GNE: variants seen among roughly 807,000 people sequenced by gnomAD.
GNE encodes bifunctional UDP-N-acetylglucosamine 2-epimerase/N-acetylmannosamine kinase.
Under a neutral mutation model 61.8 loss-of-function variants are expected in GNE, and 41 were observed. The ratio of observed to expected loss-of-function variants is 0.66; its 90% CI spans 0.52 to 0.86. GNE has a LOEUF of 0.86. GNE is among the 40% of genes least tolerant of loss of function. The pLI is 0.00. For synonymous variants in GNE, 264 were observed against 326.4 expected (o/e 0.81, Z 2.06); for missense variants, 608 against 909.1 (o/e 0.67, Z 4.26).
chr9:36,225,877 C>T (rs1828843298), intron 7 of GNE, among the ~76,000 whole-genome samples: 1 of 152,096 alleles, frequency 6.6e-6, no homozygotes, highest in African/African-American at 2.4e-5. Flanking sequence ...TAACGAAGAG[C>T]GATGCCTGGC....
intron 1 of GNE, among the ~76,000 whole-genome samples, chr9:36,268,347 A>G (rs527319284): frequency 3.9e-5 from 6 of 152,198 alleles, no homozygotes; most frequent in African/African-American, 1.4e-4. Context: ...GATCAACACA[A>G]TTATGCTCTA....
At chr9:36,247,419 C>T (rs892703199) in intron 2 of GNE, among the ~76,000 whole-genome samples, 2 of 152,176 alleles carry the variant, frequency 1.3e-5, no homozygotes, top group South Asian at 4.1e-4. Context: ...TCCCAGTCAT[C>T]CAATTCTTCT....
At chr9:36,221,021 C>CCT (rs1306821471) in intron 9 of GNE, among the ~76,000 whole-genome samples, 3 of 152,192 alleles carry the variant, frequency 2.0e-5, no homozygotes, top group Admixed American at 2.0e-4. Context: ...TGAGCATGAG[C>CCT]TAAAGTACAT....
At chr9:36,242,191 G>A (rs1437943032) in intron 3 of GNE, among the ~76,000 whole-genome samples, 1 of 151,128 alleles carries the variant, frequency 6.6e-6, no homozygotes, top group African/African-American at 2.4e-5. Context: ...TGCATATCAA[G>A]AAGCAGGAAC....
chr9:36,239,582 C>T (rs1044734832), intron 3 of GNE, among the ~76,000 whole-genome samples: 1 of 152,066 alleles, frequency 6.6e-6, no homozygotes, highest in African/African-American at 2.4e-5. Context: ...AAGCGATTCT[C>T]CTGCCTCGGC....
intron 1 of GNE, among the ~76,000 whole-genome samples, chr9:36,265,992 C>G (rs1830767936): frequency 6.6e-6 from 1 of 152,048 alleles, no homozygotes; most frequent in Non-Finnish European, 1.5e-5. Context: ...TGCAGTGGCG[C>G]AATCTTGGCT....
At chr9:36,249,992 T>A (rs1354345838) in intron 1 of GNE, among the ~76,000 whole-genome samples, 3 of 152,046 alleles carry the variant, frequency 2.0e-5, no homozygotes, top group African/African-American at 7.2e-5. Flanking sequence ...GTGATATAAA[T>A]CAGCTCTTGT....
At chr9:36,220,332 G>T (rs1428175460) in intron 9 of GNE, among the ~76,000 whole-genome samples, 2 of 152,148 alleles carry the variant, frequency 1.3e-5, no homozygotes, top group East Asian at 3.9e-4. Flanking sequence ...AGCACACACT[G>T]TCCATCTTTC....
At position 36,254,411 on chromosome 9, in the gene GNE, G is replaced by A. The variant is rs182066852; in HGVS notation, c.-43+3910C>T. Reference sequence around the variant, plus strand: ...GCTGAGTGTGGTTGTGCACACCTGCGGTCCTAGCTATTTGGGAGGCTGAGG... The same window carrying A: ...GCTGAGTGTGGTTGTGCACACCTGCAGTCCTAGCTATTTGGGAGGCTGAGG... On this transcript the variant is annotated intron_variant, in intron 1 of 11. Transcript: ENST00000642385. 2.2e-3 allele frequency among the ~76,000 whole-genome samples: 333 copies of A among 150,994 alleles called. 3 individuals are homozygous for A. The highest frequency in any genetic ancestry group is 6.7e-3 in the African/African-American group (276 of 41,128).
At position 36,216,121 on chromosome 9, in the gene GNE, TG is replaced by T; in HGVS notation, c.*1243del. 2.9e-6 allele frequency: 1 copy of T among 342,528 alleles called. No homozygotes were observed. The highest frequency in any genetic ancestry group is 6.0e-6 in the Non-Finnish European group (1 of 166,358). 21.2% of individuals were successfully genotyped at this position (342,528 alleles called of 1,614,324 possible). On this transcript the variant is annotated 3_prime_UTR_variant, in exon 12 of 12. Transcript: ENST00000642385. ...CCAGGATTAGGGGGGATATCTGAGATGGGGGAGTGATAGATATGTCCAGTGT... is the reference window on the plus strand; with the variant it reads ...CCAGGATTAGGGGGGATATCTGAGATGGGGAGTGATAGATATGTCCAGTGT...
exon 1 of GNE, chr9:36,276,937 G>A (rs1232208771): frequency 1.9e-6 from 3 of 1,612,790 alleles, no homozygotes; most frequent in Non-Finnish European, 2.5e-6. Context: ...ATAACCATAG[G>A]TTTCCATCCC....
chr9:36,227,068 T>C (rs1828900317), intron 7 of GNE, among the ~76,000 whole-genome samples, 180 bp downstream of exon 7: 1 of 152,176 alleles, frequency 6.6e-6, no homozygotes, highest in African/African-American at 2.4e-5. Context: ...TTCTTTGAAA[T>C]GTTAATGATC....
At chr9:36,260,868 C>CAAAAAAAAAAAAAAAAAAAAAA (rs745821430), upstream of GNE, among the ~76,000 whole-genome samples, 1 of 96,020 alleles carries the variant, frequency 1.0e-5, no homozygotes, top group Non-Finnish European at 2.0e-5. Flanking sequence ...GACTCTATCT[C>CAAAAAAAAAAAAAAAAAAAAAA]AAAAAAAAAA....
intron 5 of GNE, among the ~76,000 whole-genome samples, chr9:36,230,568 C>T (rs916243897): frequency 1.3e-5 from 2 of 151,040 alleles, no homozygotes; most frequent in South Asian, 4.2e-4. Flanking sequence ...GTGATCCTCC[C>T]GCCTCAGCCT....
Position 36,236,976 on chromosome 9 carries a change from C to T in GNE, c.625G>A (p.Val209Ile). ...GCAACAATGTAATCTTTAGATTTTA[C>T]ATCATCACCTGTTTAAAGAAAATCA... Reference protein sequence around the residue: ...SIIRMWLGDDVKSKDYIVALQ... With the variant: ...SIIRMWLGDDIKSKDYIVALQ... Residue 209 changes from valine to isoleucine, a missense_variant, in exon 4 of 12, where the codon GTA becomes ATA. Physicochemically the swap from Val to Ile is conservative, Grantham distance 29. Coordinates refer to ENST00000642385, the MANE Select transcript of GNE (RefSeq NM_005476.7). 1 of 1,609,624 alleles carries T rather than the reference C, an allele frequency of 6.2e-7. No individual in the cohort carries two copies. The highest frequency in any genetic ancestry group is 8.5e-7 in the Non-Finnish European group (1 of 1,176,110).
In GNE at chr9:36,222,854, T is replaced by C. The variant is rs1554658910; in HGVS notation, c.1556A>G (p.Asn519Ser). 6.2e-7 allele frequency: 1 copy of C among 1,614,170 alleles called. No homozygotes were observed. Among genetic ancestry groups the C allele is most frequent in the Non-Finnish European group, 8.5e-7 (1 of 1,180,000 alleles). The change falls in exon 9 of 12, where the codon AAC becomes AGC. Residue 519 changes from asparagine to serine, a missense_variant. Transcript: ENST00000642385. ...HLPVWVDNDG[N>S]CAALAERKFG... ...TTTCCTTTCCGCCAGGGCAGCACAGTTGCCATCATTGTCTACCCACACAGG... is the reference window on the plus strand; with the variant it reads ...TTTCCTTTCCGCCAGGGCAGCACAGCTGCCATCATTGTCTACCCACACAGG...
chr9:36,222,876 CAG>C lies in GNE; in HGVS notation c.1532_1533del (p.Pro511ArgfsTer6). 1 of 1,614,156 alleles carries C rather than the reference CAG, an allele frequency of 6.2e-7. No individual in the cohort carries two copies. Among genetic ancestry groups the C allele is most frequent in the Non-Finnish European group, 8.5e-7 (1 of 1,180,014 alleles). On this transcript the variant is annotated frameshift_variant, in exon 9 of 12. Transcript: ENST00000642385. LOFTEE classifies it high-confidence loss of function. ...CAGTTGCCATCATTGTCTACCCACA[CAG>C]GGAGATGCAAAGTGTCAGAAAGGGG... ...RTPLSDTLHL[P>X]VWVDNDGNCA... is the part of the protein sequence containing the mutation.
upstream of GNE, among the ~76,000 whole-genome samples, chr9:36,260,119 C>CA (rs1009712901): frequency 1.3e-5 from 2 of 151,692 alleles, no homozygotes; most frequent in African/African-American, 4.8e-5. Context: ...GAAAAAGACT[C>CA]AAGAATGACC....
intron 1 of GNE, among the ~76,000 whole-genome samples, chr9:36,264,655 C>T (rs1317032974): frequency 1.3e-5 from 2 of 152,058 alleles, no homozygotes; most frequent in African/African-American, 4.8e-5. Flanking sequence ...TTTCCTAGGC[C>T]GACTAAGAAT....
Sources: allele counts gnomAD v4.1 joint callset (sites outside exome capture counted in the v4.1 genomes callset), GRCh38; gene constraint gnomAD v4.1.1; transcripts MANE v1.5; gene names NCBI Gene and HGNC (gene_info 2026-07-23, HGNC 2026-07-21).